AGA: variants seen among roughly 807,000 people sequenced by gnomAD.
The protein encoded by AGA is aspartylglucosaminidase, also known as N(4)-(beta-N-acetylglucosaminyl)-L-asparaginase.
AGA carries 31 observed loss-of-function variants against 40.1 expected under a neutral mutation model. That is an observed-to-expected ratio of 0.77 (90% CI 0.58 to 1.04). The LOEUF is 1.04. AGA is among the 50% of genes least tolerant of loss of function. The pLI, the probability that AGA is intolerant of heterozygous loss-of-function variation, is 0.00. For missense variants in AGA, 445 were observed against 435.4 expected (o/e 1.02, Z -0.20); for synonymous variants, 148 against 144.0 (o/e 1.03, Z -0.20).
Position 177,430,881 on chromosome 4 carries a change from TACAG to T in AGA, c.*823_*826del, listed in dbSNP as rs1417417638. On this transcript the variant is annotated 3_prime_UTR_variant, in exon 9 of 9. Coordinates refer to ENST00000264595, the MANE Select transcript of AGA (RefSeq NM_000027.4). The stretch of plus-strand genomic sequence containing the variant: ...GCGCACAACTTCTGTAGAGTTGTCA[TACAG>T]AGAGTTAATCAGAAGTTAGGGAAAC... 2.2e-6 allele frequency: 1 copy of T among 453,976 alleles called. No homozygotes were observed. The highest frequency in any genetic ancestry group is 4.4e-6 in the Non-Finnish European group (1 of 226,778). The allele number at this position is 453,976 out of a possible 1,614,324, so 28.1% of individuals were successfully genotyped here.
chr4:177,437,206 T>A, intron 5 of AGA, 199 bp downstream of exon 5: 1 of 547,100 alleles, frequency 1.8e-6, no homozygotes, highest in East Asian at 3.1e-5. Context: ...TGAATAGTCA[T>A]TGGGTTTTAG....
rs1736897449 is a variant in AGA at position 177,438,677 on chromosome 4, A to G, written c.507+68T>C. Reference sequence around the variant, plus strand: ...GTACCCTGGACAACAGGCAGGCAACACTGAGCAGAAAGGATGTCACTGAAT... The same window carrying G: ...GTACCCTGGACAACAGGCAGGCAACGCTGAGCAGAAAGGATGTCACTGAAT... On this transcript the variant is annotated intron_variant, in intron 4 of 8. Transcript: ENST00000264595. 33 of 1,082,924 alleles carry G rather than the reference A, an allele frequency of 3.0e-5. No individual in the cohort carries two copies. The South Asian group carries it at 4.3e-4, about 14-fold the overall frequency. 67.1% of individuals were successfully genotyped at this position (1,082,924 alleles called of 1,614,324 possible). A position where few individuals can be genotyped will look rare whatever the true frequency, so the allele number is the denominator to read the frequency against.
chr4:177,434,449 C>T lies in AGA; in HGVS notation c.739G>A (p.Ala247Thr). The change falls in exon 7 of 9, where the codon GCT becomes ACT. Residue 247 changes from alanine to threonine, a missense_variant. Coordinates refer to ENST00000264595, the MANE Select transcript of AGA (RefSeq NM_000027.4). ...GCGGCTGCCCCTGCAGTATCGTCAG[C>T]ATAGGCTCCAGCTCCAGGTATTGGT... ...DSPIPGAGAY[A>T]DDTAGAAAAT... 1.2e-6 allele frequency: 2 copies of T among 1,614,146 alleles called. No homozygotes were observed. The highest frequency in any genetic ancestry group is 1.7e-6 in the Non-Finnish European group (2 of 1,180,032).
chr4:177,436,446 G>A, intron 5 of AGA, 95 bp from the exon 6 acceptor site: 1 of 991,298 alleles, frequency 1.0e-6, no homozygotes. Context: ...GCTGTGCTCT[G>A]AATGTTTGTG....
At chr4:177,436,235 C>T (rs1736811744) in intron 6 of AGA, 41 bp downstream of exon 6, 1 of 1,502,084 alleles carries the variant, frequency 6.7e-7, no homozygotes, top group Admixed American at 1.7e-5. Flanking sequence ...GCTCTGCATT[C>T]AGTGTATATT....
chr4:177,434,506 A>G lies in AGA; in HGVS notation c.699-17T>C. On this transcript the variant is annotated splice_polypyrimidine_tract_variant and intron_variant, in intron 6 of 8. Transcript: ENST00000264595. ...CCTACACGGCTTTGAGAGGGTATTA[A>G]CAATTTACGGCAGGAAATCGAGTGT... 1 of 1,601,742 alleles carries G rather than the reference A, an allele frequency of 6.2e-7. No homozygotes were observed. The highest frequency in any genetic ancestry group is 8.6e-7 in the Non-Finnish European group (1 of 1,168,754).
At chr4:177,437,585 T>A in intron 4 of AGA, 66 bp from the exon 5 acceptor site, 1 of 1,107,838 alleles carries the variant, frequency 9.0e-7, no homozygotes, top group Non-Finnish European at 1.4e-6. Flanking sequence ...AGAAATTATG[T>A]ACAATCGCTA....
chr4:177,433,644 AAGAATACAGATTTTCAATG>A (rs1316054463), intron 7 of AGA, among the ~76,000 whole-genome samples: 2 of 152,224 alleles, frequency 1.3e-5, no homozygotes, highest in East Asian at 3.8e-4. Flanking sequence ...AGAACTCAAA[AAGAATACAGATTTTCAATG>A]AGAAAAACAG....
chr4:177,431,687 G>A lies in AGA; in HGVS notation c.*21C>T. 6.4e-7 allele frequency: 1 copy of A among 1,570,894 alleles called. No individual in the cohort carries two copies. The highest frequency in any genetic ancestry group is 8.8e-7 in the Non-Finnish European group (1 of 1,141,060). On this transcript the variant is annotated 3_prime_UTR_variant, in exon 9 of 9. Transcript: ENST00000264595. ...TTTGTTTCTTTCTTCTTTAAATACA[G>A]ATGTTGACAGTAAAGATGGATTAGA...
Position 177,438,791 on chromosome 4 carries a change from AGAGCTT to A in AGA, c.455_460del (p.Gln152_Ala153del). ...ATTCCGAGCAAGCCAATCTGAATGA[AGAGCTT>A]GAGAAGCAGTGGTAGATAAGTCTTC... On this transcript the variant is annotated inframe_deletion, in exon 4 of 9. Coordinates refer to ENST00000264595, the MANE Select transcript of AGA (RefSeq NM_000027.4). 1 of 1,611,466 alleles carries A rather than the reference AGAGCTT, an allele frequency of 6.2e-7. No homozygotes were observed. Among genetic ancestry groups the A allele is most frequent in the Non-Finnish European group, 8.5e-7 (1 of 1,177,486 alleles).
chr4:177,434,846 G>A (rs550566333), intron 6 of AGA, among the ~76,000 whole-genome samples: 23 of 152,164 alleles, frequency 1.5e-4, no homozygotes, highest in Middle Eastern at 3.4e-3. Flanking sequence ...GGCCTACTGC[G>A]GATCATGCTG....
chr4:177,434,566 G>T (rs1736746303), intron 6 of AGA, 77 bp from the exon 7 acceptor site: 2 of 1,205,608 alleles, frequency 1.7e-6, no homozygotes, highest in Non-Finnish European at 1.2e-6. Context: ...TCCAAATAAG[G>T]GATAGTTCCA....
chr4:177,440,385 C>G lies in AGA; in HGVS notation c.169G>C (p.Val57Leu), dbSNP rs554359822. 2 of 1,614,144 alleles carry G rather than the reference C, an allele frequency of 1.2e-6. No individual in the cohort carries two copies. Among genetic ancestry groups the G allele is most frequent in the South Asian group, 1.1e-5 (1 of 91,080 alleles). The change falls in exon 2 of 9, where the codon GTG becomes CTG. Residue 57 changes from valine (V) to leucine (L), a missense_variant. Coordinates refer to ENST00000264595, the MANE Select transcript of AGA (RefSeq NM_000027.4). ...TCACACATGGCACAGCCGCTCTCCACTGCATCCAGGGCAGAGCCTCCAGAT... is the reference window on the plus strand; with the variant it reads ...TCACACATGGCACAGCCGCTCTCCAGTGCATCCAGGGCAGAGCCTCCAGAT... ...LASGGSALDA[V>L]ESGCAMCERE...
intron 6 of AGA, among the ~76,000 whole-genome samples, chr4:177,435,190 C>T (rs1006131250): frequency 6.6e-6 from 1 of 152,160 alleles, no homozygotes; most frequent in Non-Finnish European, 1.5e-5. Flanking sequence ...GGATTACAGG[C>T]GTGAGCCACT....
intron 5 of AGA, 77 bp downstream of exon 5, chr4:177,437,328 G>A (rs1736855179): frequency 4.0e-6 from 4 of 1,001,970 alleles, no homozygotes; most frequent in South Asian, 1.3e-5. Context: ...TCAACTTCTG[G>A]TAGAAGAATA....
rs4690521 is a variant in AGA at position 177,434,514 on chromosome 4, C to G, written c.699-25G>C. 1,598,789 of 1,602,042 alleles carry G rather than the reference C, an allele frequency of 1. 797,808 individuals carry two copies. The highest frequency in any genetic ancestry group is 1 in the East Asian group (44,766 of 44,766). On this transcript the variant is annotated intron_variant, in intron 6 of 8. Coordinates refer to ENST00000264595, the MANE Select transcript of AGA (RefSeq NM_000027.4). Reference sequence around the variant, plus strand: ...GCTTTGAGAGGGTATTAACAATTTACGGCAGGAAATCGAGTGTAAAACACA... The same window carrying G: ...GCTTTGAGAGGGTATTAACAATTTAGGGCAGGAAATCGAGTGTAAAACACA...
chr4:177,431,879 G>A, intron 8 of AGA, 71 bp from the exon 9 acceptor site: 1 of 1,292,152 alleles, frequency 7.7e-7, no homozygotes, highest in Non-Finnish European at 1.1e-6. Context: ...TACAGATACT[G>A]CTTATTTGAC....
rs1029008254 is a variant in AGA, at chr4:177,438,877, A to G, written c.395-20T>C. 1 of 1,422,452 alleles carries G rather than the reference A, an allele frequency of 7.0e-7. No homozygotes were observed. Among genetic ancestry groups the G allele is most frequent in the Non-Finnish European group, 9.9e-7 (1 of 1,005,390 alleles). The allele number at this position is 1,422,452 out of a possible 1,614,324, so 88.1% of individuals were successfully genotyped here. A position where few individuals can be genotyped will look rare whatever the true frequency, so the allele number is the denominator to read the frequency against. The stretch of plus-strand genomic sequence containing the variant: ...TGGTGGCTGGAGATTGGAAAAAAGG[A>G]AAGTATAAATTATTCAAGTATTGTC... On this transcript the variant is annotated intron_variant, in intron 3 of 8. Coordinates refer to ENST00000264595, the MANE Select transcript of AGA (RefSeq NM_000027.4).
intron 4 of AGA, among the ~76,000 whole-genome samples, 163 bp from the exon 5 acceptor site, chr4:177,437,682 C>G (rs1488698862): frequency 6.6e-6 from 1 of 151,994 alleles, no homozygotes; most frequent in Non-Finnish European, 1.5e-5. Flanking sequence ...TATATAAAAA[C>G]AAATAAGATA....
Sources: gnomAD v4.1 joint callset for allele counts (sites outside exome capture counted in the v4.1 genomes callset) on GRCh38, gnomAD v4.1.1 for gene constraint, MANE v1.5 for transcripts, NCBI Gene and HGNC (gene_info 2026-07-23, HGNC 2026-07-21) for gene names.